Variants in TTC28 observed in about 807,000 individuals in gnomAD.
TTC28 encodes tetratricopeptide repeat protein 28.
TTC28 carries 61 observed loss-of-function variants against 198.0 expected under a neutral mutation model. The observed-to-expected ratio is 0.31, with a 90% CI of 0.25 to 0.38. The LOEUF (loss-of-function observed/expected upper bound fraction) is 0.38, where lower values mean the gene tolerates loss of function less well. TTC28 is among the 10% of genes least tolerant of loss of function. The pLI is 1.00. For synonymous variants in TTC28, 1,171 were observed against 1,297.8 expected (o/e 0.90, Z 2.10); for missense variants, 2,678 against 3,164.0 (o/e 0.85, Z 3.69).
chr22:28,260,211 A>G (rs1017556751), intron 5 of TTC28, among the ~76,000 whole-genome samples: 5 of 152,172 alleles, frequency 3.3e-5, no homozygotes, highest in Admixed American at 2.6e-4. Flanking sequence ...CTTTTTATGA[A>G]GCAGAAGTGG....
At chr22:28,145,064 C>T (rs1943433432) in intron 6 of TTC28, among the ~76,000 whole-genome samples, 1 of 152,174 alleles carries the variant, frequency 6.6e-6, no homozygotes, top group Non-Finnish European at 1.5e-5. Context: ...CCTGTGGCAT[C>T]ACAGAAAAAT....
chr22:28,303,278 A>T (rs1000878848), intron 3 of TTC28, among the ~76,000 whole-genome samples: 3 of 152,232 alleles, frequency 2.0e-5, no homozygotes, highest in African/African-American at 4.8e-5. Flanking sequence ...AGATACAATA[A>T]ACTGAAATTG....
In TTC28 at chr22:28,370,169, C is replaced by T. The variant is rs149573824; in HGVS notation, c.382-63526G>A. On this transcript the variant is annotated intron_variant, in intron 2 of 22. Coordinates refer to ENST00000397906, the MANE Select transcript of TTC28 (RefSeq NM_001145418.2). The stretch of plus-strand genomic sequence containing the variant: ...ATCCCTTTCCCAAGACGCCTTACTC[C>T]CTCCCTGCCTCACTGCAATTGTTTC... Among the ~76,000 whole-genome samples the T allele has an allele frequency of 1.6e-4, 25 of 152,286 alleles. No individual in the cohort carries two copies. The East Asian group carries it at 2.9e-3, about 18-fold the overall frequency.
At chr22:28,626,779 A>C (rs2051082980) in intron 2 of TTC28, among the ~76,000 whole-genome samples, 1 of 152,070 alleles carries the variant, frequency 6.6e-6, no homozygotes, top group Admixed American at 6.6e-5. Context: ...TAGAACTAAA[A>C]TATTAATGTA....
intron 5 of TTC28, among the ~76,000 whole-genome samples, chr22:28,236,749 C>T (rs985796160): frequency 6.6e-6 from 1 of 152,106 alleles, no homozygotes; most frequent in Non-Finnish European, 1.5e-5. Context: ...TTCCAGCGTA[C>T]GTTCAGAGAA....
intron 2 of TTC28, among the ~76,000 whole-genome samples, chr22:28,456,852 G>A (rs1475894610): frequency 6.6e-6 from 1 of 152,178 alleles, no homozygotes; most frequent in Non-Finnish European, 1.5e-5. Flanking sequence ...GGGATTACAG[G>A]CATGTGCCAC....
intron 21 of TTC28, among the ~76,000 whole-genome samples, chr22:27,987,866 A>G (rs1937266197): frequency 6.6e-6 from 1 of 152,124 alleles, no homozygotes; most frequent in Non-Finnish European, 1.5e-5. Flanking sequence ...GCTGCTGCCT[A>G]CATAGAAATT....
At chr22:28,202,343 C>T (rs1181643354) in intron 5 of TTC28, among the ~76,000 whole-genome samples, 4 of 151,956 alleles carry the variant, frequency 2.6e-5, no homozygotes, top group Admixed American at 6.6e-5. Flanking sequence ...TTGAGACCAG[C>T]GTGGCCAACA....
intron 2 of TTC28, among the ~76,000 whole-genome samples, chr22:28,374,608 ACT>A (rs2046382225): frequency 6.6e-6 from 1 of 152,106 alleles, no homozygotes; most frequent in Non-Finnish European, 1.5e-5. Flanking sequence ...CTCTTCTCTG[ACT>A]CTGTTTCCTC....
intron 2 of TTC28, among the ~76,000 whole-genome samples, chr22:28,515,946 A>C (rs1355410001): frequency 6.6e-6 from 1 of 152,146 alleles, no homozygotes; most frequent in African/African-American, 2.4e-5. Context: ...GAAGTTCAAG[A>C]CCAGCCTGGC....
chr22:27,985,118 TCC>T, intron 22 of TTC28, 129 bp downstream of exon 22: 1 of 651,488 alleles, frequency 1.5e-6, no homozygotes, highest in Non-Finnish European at 2.6e-6. Flanking sequence ...CCCTAACTGT[TCC>T]CTAACAAACA....
At chr22:28,427,485 T>C (rs1027872450) in intron 2 of TTC28, among the ~76,000 whole-genome samples, 1 of 152,080 alleles carries the variant, frequency 6.6e-6, no homozygotes, top group Non-Finnish European at 1.5e-5. Context: ...ACCCCGTCTC[T>C]ACTAAACATA....
intron 5 of TTC28, among the ~76,000 whole-genome samples, chr22:28,256,639 A>C (rs1462196436): frequency 6.6e-6 from 1 of 152,212 alleles, no homozygotes; most frequent in Admixed American, 6.5e-5. Flanking sequence ...AAAAAGAACA[A>C]GGCTGGAGAT....
intron 5 of TTC28, among the ~76,000 whole-genome samples, chr22:28,180,726 C>G (rs1923615588): frequency 6.6e-6 from 1 of 152,140 alleles, no homozygotes; most frequent in African/African-American, 2.4e-5. Flanking sequence ...TATTAAGAAT[C>G]TTGGTAGGGA....
intron 5 of TTC28, among the ~76,000 whole-genome samples, chr22:28,292,351 C>G (rs945526724): frequency 6.6e-5 from 10 of 152,168 alleles, no homozygotes; most frequent in Non-Finnish European, 1.3e-4. Context: ...CCACACCCAA[C>G]TAATTTCTGT....
chr22:28,640,567 AAATAATAAT>A (rs139282856), intron 1 of TTC28, among the ~76,000 whole-genome samples: 4 of 147,318 alleles, frequency 2.7e-5, no homozygotes, highest in African/African-American at 4.9e-5. Context: ...CAAACTGTTA[AAATAATAAT>A]AATAATAATA....
At chr22:28,385,272 G>T (rs145625080) in intron 2 of TTC28, among the ~76,000 whole-genome samples, 2,351 of 144,742 alleles carry the variant, frequency 0.016, 82 homozygotes, top group African/African-American at 0.058. Context: ...TCACTCCTTT[G>T]CCCAGGCTGG....
chr22:28,475,785 G>T (rs1036715653), intron 2 of TTC28, among the ~76,000 whole-genome samples: 9 of 152,058 alleles, frequency 5.9e-5, no homozygotes, highest in African/African-American at 1.9e-4. Context: ...TGGGAATTTG[G>T]ACCTACACGC....
intron 2 of TTC28, among the ~76,000 whole-genome samples, chr22:28,370,170 C>T (rs1302555703): frequency 6.6e-6 from 1 of 152,220 alleles, no homozygotes; most frequent in East Asian, 1.9e-4. Flanking sequence ...GCCTTACTCC[C>T]TCCCTGCCTC....
Sources: gnomAD v4.1 joint callset for allele counts (sites outside exome capture counted in the v4.1 genomes callset) on GRCh38, gnomAD v4.1.1 for gene constraint, MANE v1.5 for transcripts, NCBI Gene and HGNC (gene_info 2026-07-23, HGNC 2026-07-21) for gene names.